The following CELF4 variants were observed in gnomAD, a reference collection of about 807,000 sequenced individuals.
The protein encoded by CELF4 is CUG-BP- and ETR-3-like factor 4.
In CELF4, 18 loss-of-function variants were observed where a neutral mutation model predicts 59.9. The ratio of observed to expected loss-of-function variants is 0.30; its 90% CI spans 0.21 to 0.45. CELF4 has a LOEUF of 0.45. CELF4 is among the 20% of genes least tolerant of loss of function. CELF4 has a pLI of 1.00. For synonymous variants in CELF4, 261 were observed against 267.1 expected (o/e 0.98, Z 0.22); for missense variants, 456 against 689.0 (o/e 0.66, Z 3.79).
chr18:37,363,245 A>G (rs990366113), intron 2 of CELF4, among the ~76,000 whole-genome samples: 13 of 152,168 alleles, frequency 8.5e-5, no homozygotes, highest in African/African-American at 3.1e-4. Context: ...AAAAAATCCC[A>G]TTAGTAGCCT....
At chr18:37,293,256 A>T (rs2095449950) in intron 3 of CELF4, among the ~76,000 whole-genome samples, 1 of 152,240 alleles carries the variant, frequency 6.6e-6, no homozygotes, top group Non-Finnish European at 1.5e-5. Context: ...GAAAGTCAGA[A>T]ATCAAGGTTT....
intron 1 of CELF4, among the ~76,000 whole-genome samples, chr18:37,486,601 C>A (rs2099881854): frequency 6.6e-6 from 1 of 152,184 alleles, no homozygotes; most frequent in Non-Finnish European, 1.5e-5. Context: ...GCTTGGGAGG[C>A]CTGCAAGGCT....
chr18:37,505,308 T>C (rs1051724093), intron 1 of CELF4, among the ~76,000 whole-genome samples: 13 of 152,226 alleles, frequency 8.5e-5, no homozygotes, highest in African/African-American at 3.1e-4. Context: ...TCCCTTTCTT[T>C]CAGCAACTTT....
intron 2 of CELF4, among the ~76,000 whole-genome samples, chr18:37,331,941 C>T (rs1235229904): frequency 1.3e-5 from 2 of 152,040 alleles, no homozygotes; most frequent in African/African-American, 2.4e-5. Context: ...GAGTGGGCAG[C>T]GGGAGCCCCT....
At chr18:37,331,466 G>A (rs982832725) in intron 2 of CELF4, among the ~76,000 whole-genome samples, 2 of 152,138 alleles carry the variant, frequency 1.3e-5, no homozygotes, top group African/African-American at 4.8e-5. Context: ...AGCTGCACAG[G>A]CTCCGAGTAT....
intron 2 of CELF4, among the ~76,000 whole-genome samples, chr18:37,333,547 G>A (rs2097640540): frequency 6.6e-6 from 1 of 152,182 alleles, no homozygotes; most frequent in African/African-American, 2.4e-5. Context: ...GACTCTGTGG[G>A]GAAGAGCTGA....
At chr18:37,352,890 C>CATACCAG (rs1214043805) in intron 2 of CELF4, among the ~76,000 whole-genome samples, 2 of 152,060 alleles carry the variant, frequency 1.3e-5, no homozygotes, top group East Asian at 3.9e-4. Flanking sequence ...CAGCGCCTTG[C>CATACCAG]CATTGGTGCC....
chr18:37,344,991 C>T (rs959557528), intron 2 of CELF4, among the ~76,000 whole-genome samples: 1 of 152,214 alleles, frequency 6.6e-6, no homozygotes, highest in Admixed American at 6.5e-5. Flanking sequence ...GAACCCACTT[C>T]CTGTTTGTCC....
intron 2 of CELF4, among the ~76,000 whole-genome samples, chr18:37,412,110 T>C (rs373848334): frequency 1.3e-5 from 2 of 152,324 alleles, no homozygotes; most frequent in East Asian, 3.9e-4. Flanking sequence ...CCGTCCAGAT[T>C]TGAATTTAAC....
chr18:37,408,512 G>A, intron 2 of CELF4, among the ~76,000 whole-genome samples: 1 of 150,146 alleles, frequency 6.7e-6, no homozygotes, highest in Non-Finnish European at 1.5e-5. Context: ...CGCGGTGCAG[G>A]AGGATGTGAG....
At chr18:37,529,151 G>A (rs936974844) in intron 1 of CELF4, 2 of 152,166 alleles carry the variant, frequency 1.3e-5, no homozygotes, top group Non-Finnish European at 1.5e-5. Flanking sequence ...GTCCTCATCT[G>A]TAAAATGAGG....
intron 3 of CELF4, among the ~76,000 whole-genome samples, chr18:37,304,838 A>C (rs565589458): frequency 6.6e-6 from 1 of 152,324 alleles, no homozygotes; most frequent in East Asian, 1.9e-4. Flanking sequence ...GGCTCTCCGC[A>C]AAAGGGAGGC....
intron 2 of CELF4, 25 bp downstream of exon 2, chr18:37,485,500 T>G: frequency 9.9e-6 from 13 of 1,310,216 alleles, no homozygotes; most frequent in Admixed American, 3.0e-5. Flanking sequence ...CGTCGGCCGC[T>G]TGCGCCACGG....
intron 2 of CELF4, 127 bp from the exon 3 acceptor site, chr18:37,322,008 ATGC>A (rs992718094): frequency 1.6e-6 from 1 of 624,934 alleles, no homozygotes; most frequent in African/African-American, 1.9e-5. Flanking sequence ...CTCCCACAAC[ATGC>A]TGCTGCAAGC....
intron 1 of CELF4, among the ~76,000 whole-genome samples, chr18:37,507,405 C>G (rs890009747): frequency 1.3e-5 from 2 of 152,212 alleles, no homozygotes; most frequent in African/African-American, 4.8e-5. Context: ...CACTCATCTT[C>G]TCTGGTCTGA....
intron 1 of CELF4, among the ~76,000 whole-genome samples, chr18:37,511,358 C>T (rs116429478): frequency 0.016 from 2,449 of 152,172 alleles, 69 homozygotes; most frequent in African/African-American, 0.055. Flanking sequence ...TGGGTCTCCC[C>T]GCGTCCGGGT....
chr18:37,444,939 C>T (rs1013895368), intron 2 of CELF4, among the ~76,000 whole-genome samples: 5 of 152,112 alleles, frequency 3.3e-5, no homozygotes, highest in East Asian at 3.9e-4. Flanking sequence ...GTGCGTGACG[C>T]GGGCTCCTGG....
chr18:37,466,676 A>C (rs1452065616), intron 2 of CELF4, among the ~76,000 whole-genome samples: 1 of 152,096 alleles, frequency 6.6e-6, no homozygotes, highest in Non-Finnish European at 1.5e-5. Context: ...AATAAGTAGG[A>C]CCCAGTCCCT....
At position 37,270,674 on chromosome 18, in the gene CELF4, G is replaced by A. The variant is rs1027117993; in HGVS notation, c.1099+94C>T. 5.5e-6 allele frequency: 8 copies of A among 1,446,962 alleles called. No individual in the cohort carries two copies. In the African/African-American group the frequency reaches 1.1e-4, roughly 20 times the overall value. The allele number at this position is 1,446,962 out of a possible 1,614,324, so 89.6% of individuals were successfully genotyped here. ...GGTTTCATCAAGGAATGGACAGAGG[G>A]CAGGAGCCACATCTTGTTATAACAG... is the stretch of plus-strand genomic sequence containing the variant. On this transcript the variant is annotated intron_variant, in intron 8 of 12. Coordinates refer to ENST00000420428, the MANE Select transcript of CELF4 (RefSeq NM_020180.4).
Sources: gnomAD v4.1 joint callset for allele counts (sites outside exome capture counted in the v4.1 genomes callset) on GRCh38, gnomAD v4.1.1 for gene constraint, MANE v1.5 for transcripts, NCBI Gene and HGNC (gene_info 2026-07-23, HGNC 2026-07-21) for gene names.